Variants in NCF2 observed in about 807,000 individuals in gnomAD.
NCF2 encodes neutrophil cytosolic factor 2.
Under a neutral mutation model 70.9 loss-of-function variants are expected in NCF2, and 45 were observed. The ratio of observed to expected loss-of-function variants is 0.63; its 90% confidence interval spans 0.50 to 0.81. The LOEUF is 0.81. NCF2 is among the 40% of genes least tolerant of loss of function. The pLI, the probability that NCF2 is intolerant of heterozygous loss-of-function variation, is 0.00. For missense variants in NCF2, 522 were observed against 631.6 expected (o/e 0.83, Z 1.86); for synonymous variants, 203 against 233.6 (o/e 0.87, Z 1.19).
In NCF2 at chr1:183,563,460, C is replaced by G; in HGVS notation, c.1152G>C (p.Glu384Asp). Residue 384 changes from glutamate (E) to aspartate (D), a missense_variant, in exon 12 of 15, where the codon GAG (glutamate) becomes GAC (aspartate). Physicochemically the swap from Glu to Asp is conservative, Grantham distance 45. Coordinates refer to ENST00000367535, the MANE Select transcript of NCF2 (RefSeq NM_000433.4). ...TCAGCTTAGTGTGTTCCAGCCGGAGCTCCAGTTTCTTAGACACCATGTCCC... is the reference window on the plus strand; with the variant it reads ...TCAGCTTAGTGTGTTCCAGCCGGAGGTCCAGTTTCTTAGACACCATGTCCC... ...QVRDMVSKKL[E>D]LRLEHTKLSY... is the part of the protein sequence containing the mutation. The G allele has an allele frequency of 6.2e-7, 1 of 1,614,206 alleles. No homozygotes were observed. Among genetic ancestry groups the G allele is most frequent in the Non-Finnish European group, 8.5e-7 (1 of 1,180,038 alleles).
At chr1:183,573,426 C>T in intron 4 of NCF2, 134 bp from the exon 5 acceptor site, 2 of 869,438 alleles carry the variant, frequency 2.3e-6, no homozygotes, top group Admixed American at 1.9e-5. Flanking sequence ...TGAGTGTTGT[C>T]ATTCCTCTAG....
At chr1:183,573,084 G>A in intron 5 of NCF2, 101 bp downstream of exon 5, 2 of 1,060,384 alleles carry the variant, frequency 1.9e-6, no homozygotes, top group Middle Eastern at 2.9e-4. Context: ...CCCAGGGACA[G>A]AGCCACAAGG....
chr1:183,558,118 C>T (rs999024621), intron 14 of NCF2, among the ~76,000 whole-genome samples: 4 of 151,680 alleles, frequency 2.6e-5, no homozygotes, highest in Non-Finnish European at 5.9e-5. Context: ...AAGTGATCCA[C>T]TCACCTTGGC....
chr1:183,599,434 C>CTTTCTTTCTT, the NCF2 span, among the ~76,000 whole-genome samples: 1 of 92,256 alleles, frequency 1.1e-5, no homozygotes, highest in Admixed American at 1.3e-4. Context: ...TTCTTTCTTT[C>CTTTCTTTCTT]TTTCTTTCTT....
chr1:183,592,141 C>G (rs1195754994), upstream of NCF2, among the ~76,000 whole-genome samples: 1 of 152,164 alleles, frequency 6.6e-6, no homozygotes, highest in Non-Finnish European at 1.5e-5. Context: ...TTTGTAGCAA[C>G]TGAAAGAATT....
intron 9 of NCF2, 94 bp downstream of exon 9, chr1:183,566,826 C>T: frequency 6.7e-7 from 1 of 1,493,900 alleles, no homozygotes; most frequent in Non-Finnish European, 9.3e-7. Context: ...CTCCAGGGGT[C>T]CTGACAACAC....
At chr1:183,567,512 A>G (rs780354190) in intron 7 of NCF2, 167 bp from the exon 8 acceptor site, 1 of 911,134 alleles carries the variant, frequency 1.1e-6, no homozygotes, top group South Asian at 1.3e-5. Context: ...AAGAGGTCTC[A>G]GCAAGAAACT....
At chr1:183,569,121 A>G in intron 7 of NCF2, 21 bp downstream of exon 7, 1 of 1,609,972 alleles carries the variant, frequency 6.2e-7, no homozygotes, top group Non-Finnish European at 8.5e-7. Context: ...TATTCTATTT[A>G]TGGATTTGAA....
At chr1:183,559,506 G>GT (rs1671942833) in intron 14 of NCF2, among the ~76,000 whole-genome samples, 1 of 152,194 alleles carries the variant, frequency 6.6e-6, no homozygotes, top group African/African-American at 2.4e-5. Flanking sequence ...AGCCCAATTT[G>GT]TTACCTCTGG....
intron 4 of NCF2, among the ~76,000 whole-genome samples, 198 bp from the exon 5 acceptor site, chr1:183,573,490 A>T (rs1438404812): frequency 6.6e-6 from 1 of 152,154 alleles, no homozygotes; most frequent in Non-Finnish European, 1.5e-5. Flanking sequence ...GCGAGGCCAC[A>T]TGGACATTGC....
chr1:183,558,722 G>A (rs1558089639), intron 14 of NCF2, among the ~76,000 whole-genome samples: 2 of 150,850 alleles, frequency 1.3e-5, no homozygotes, highest in Non-Finnish European at 3.0e-5. Context: ...GCATCACCAC[G>A]CCCAGCTAAT....
At chr1:183,575,679 TCTTGCTCTTGGGTCA>T (rs1360323344) in intron 3 of NCF2, among the ~76,000 whole-genome samples, 2 of 151,906 alleles carry the variant, frequency 1.3e-5, no homozygotes, top group South Asian at 4.1e-4. Flanking sequence ...ATTGACACTG[TCTTGCTCTTGGGTCA>T]CTTGCTCTCA....
chr1:183,574,265 T>C (rs1672698480), intron 4 of NCF2, among the ~76,000 whole-genome samples: 1 of 152,096 alleles, frequency 6.6e-6, no homozygotes, highest in South Asian at 2.1e-4. Context: ...GGAGCCCCAC[T>C]CCAAGGGTGG....
rs1345915840 is a variant in NCF2 at position 183,567,190 on chromosome 1, G to C, written c.855+14C>G. 3 of 1,614,112 alleles carry C rather than the reference G, an allele frequency of 1.9e-6. No individual in the cohort carries two copies. Among genetic ancestry groups the C allele is most frequent in the Non-Finnish European group, 2.5e-6 (3 of 1,180,016 alleles). On this transcript the variant is annotated intron_variant, in intron 8 of 14. Coordinates refer to ENST00000367535, the MANE Select transcript of NCF2 (RefSeq NM_000433.4). The stretch of plus-strand genomic sequence containing the variant: ...TCCCATGCCCATCGCACCAGCCCCT[G>C]ATCCTCTGCATACCTGCCCGTTGAA...
chr1:183,566,519 C>T (rs752406012), intron 9 of NCF2, among the ~76,000 whole-genome samples: 8 of 152,244 alleles, frequency 5.3e-5, no homozygotes, highest in Non-Finnish European at 1.2e-4. Context: ...GCTAGGATTA[C>T]AGCCATGAGC....
chr1:183,571,402 C>T (rs1447150302), intron 5 of NCF2, among the ~76,000 whole-genome samples: 1 of 152,154 alleles, frequency 6.6e-6, no homozygotes, highest in East Asian at 1.9e-4. Context: ...TAGGCATGAG[C>T]CACCACGCCC....
Position 183,567,580 on chromosome 1 carries a change from A to G in NCF2, c.714-235T>C, listed in dbSNP as rs1409817668. ...GGGGCAAGAATAAAGCAAAAACCCC[A>G]CAACACTAGATAGTGAGGACTTACA... On this transcript the variant is annotated intron_variant, in intron 7 of 14. Coordinates refer to ENST00000367535, the MANE Select transcript of NCF2 (RefSeq NM_000433.4). 5 of 647,706 alleles carry G rather than the reference A, an allele frequency of 7.7e-6. No individual in the cohort carries two copies. The East Asian group carries it at 1.5e-4, about 19-fold the overall frequency. The allele number at this position is 647,706 out of a possible 1,614,324, so 40.1% of individuals were successfully genotyped here. A position where few individuals can be genotyped will look rare whatever the true frequency, so the allele number is the denominator to read the frequency against.
chr1:183,565,740 T>A lies in NCF2; in HGVS notation c.964A>T (p.Ser322Cys), dbSNP rs764404690. ...SPQSDIPAPP[S>C]SKAPGRPQLS... ...TGGGGTCTTCCAGGGGCTTTGGAACTAGGAGGAGCTGGGATGTCGGACTGC... is the reference window on the plus strand; with the variant it reads ...TGGGGTCTTCCAGGGGCTTTGGAACAAGGAGGAGCTGGGATGTCGGACTGC... Residue 322 changes from serine to cysteine, a missense_variant, in exon 10 of 15, where the codon AGT (serine) becomes TGT (cysteine). Physicochemically the swap from Ser to Cys is moderately radical, Grantham distance 112. Transcript: ENST00000367535. The A allele has an allele frequency of 6.2e-7, 1 of 1,612,798 alleles. No individual in the cohort carries two copies. Among genetic ancestry groups the A allele is most frequent in the Non-Finnish European group, 8.5e-7 (1 of 1,180,004 alleles).
At chr1:183,568,739 C>T (rs750200420) in intron 7 of NCF2, among the ~76,000 whole-genome samples, 1 of 151,124 alleles carries the variant, frequency 6.6e-6, no homozygotes, top group Non-Finnish European at 1.5e-5. Context: ...GCAGCCAGTG[C>T]GAAACCGATC....
Sources: gnomAD v4.1 joint callset for allele counts (sites outside exome capture counted in the v4.1 genomes callset) on GRCh38, gnomAD v4.1.1 for gene constraint, MANE v1.5 for transcripts, NCBI Gene and HGNC (gene_info 2026-07-23, HGNC 2026-07-21) for gene names.